Variants in FAM151A observed in about 807,000 individuals in gnomAD.
The protein encoded by FAM151A is family with sequence similarity 151 member A, also known as protein FAM151A.
Under a neutral mutation model 40.4 loss-of-function variants are expected in FAM151A, and 41 were observed. The observed-to-expected ratio is 1.01, with a 90% CI of 0.79 to 1.32. The LOEUF (loss-of-function observed/expected upper bound fraction) is 1.32, where lower values mean the gene tolerates loss of function less well. Among genes scored for constraint, FAM151A ranks in the 40% most tolerant of loss-of-function variants. FAM151A has a pLI of 0.00. For synonymous variants in FAM151A, 337 were observed against 312.5 expected, an observed-to-expected ratio of 1.08 and a Z score of -0.83; for missense variants, 740 against 740.4, an observed-to-expected ratio of 1.00 and a Z score of 0.01.
intron 1 of FAM151A, among the ~76,000 whole-genome samples, chr1:54,622,630 T>C (rs1169177916): frequency 6.6e-6 from 1 of 151,714 alleles, no homozygotes; most frequent in Admixed American, 6.6e-5. Context: ...TCCCAGCTAC[T>C]TGTGGGGCTG....
chr1:54,611,909 G>A (rs978907267), intron 5 of FAM151A, among the ~76,000 whole-genome samples, 164 bp from the exon 6 acceptor site: 10 of 152,130 alleles, frequency 6.6e-5, no homozygotes, highest in African/African-American at 2.4e-4. Context: ...CCAAGGGCAG[G>A]AGCCAGAGGG....
chr1:54,610,102 T>C, intron 7 of FAM151A, 161 bp from the exon 8 acceptor site: 3 of 1,434,200 alleles, frequency 2.1e-6, no homozygotes, highest in Non-Finnish European at 2.7e-6. Flanking sequence ...TGGGTTGCTT[T>C]ATAAATGTGC....
intron 4 of FAM151A, among the ~76,000 whole-genome samples, chr1:54,614,215 G>C (rs556557428): frequency 1.3e-5 from 2 of 152,274 alleles, no homozygotes; most frequent in Non-Finnish European, 2.9e-5. Context: ...GTATGTGAGG[G>C]CTGTGAGCAG....
Position 54,619,920 on chromosome 1 carries a change from T to C in FAM151A, c.206A>G (p.Glu69Gly). The C allele has an allele frequency of 6.2e-7, 1 of 1,614,184 alleles. No individual in the cohort carries two copies. The highest frequency in any genetic ancestry group is 1.1e-5 in the South Asian group (1 of 91,080). Residue 69 changes from glutamate to glycine, a missense_variant, in exon 2 of 8, where the codon GAG becomes GGG. Coordinates refer to ENST00000302250, the MANE Select transcript of FAM151A (RefSeq NM_176782.3). ...LGQISRRDAL[E>G]VTWYHAANSK... ...GTTGGCTGCGTGGTACCAGGTGACC[T>C]CCAAGGCATCTCGCCGGCTGATCTG...
intron 7 of FAM151A, 31 bp downstream of exon 7, chr1:54,610,381 G>A (rs1644104080): frequency 6.2e-7 from 1 of 1,606,732 alleles, no homozygotes; most frequent in African/African-American, 1.3e-5. Flanking sequence ...CAGATGAGCT[G>A]GGAGCACCGG....
intron 6 of FAM151A, chr1:54,610,887 T>G (rs758725241): frequency 4.1e-6 from 4 of 985,390 alleles, no homozygotes; most frequent in Non-Finnish European, 4.8e-6. Context: ...ACTGCGGCTC[T>G]TCTGGGTTCG....
intron 4 of FAM151A, among the ~76,000 whole-genome samples, chr1:54,613,316 T>TTGTG (rs1460145435): frequency 6.6e-6 from 1 of 151,808 alleles, no homozygotes; most frequent in Non-Finnish European, 1.5e-5. Context: ...GAGGCGGAGG[T>TTGTG]TGTGGTGAGC....
At chr1:54,618,003 AG>A (rs1174943034) in intron 2 of FAM151A, among the ~76,000 whole-genome samples, 3 of 152,102 alleles carry the variant, frequency 2.0e-5, no homozygotes, top group Non-Finnish European at 4.4e-5. Context: ...CTGGAATTAC[AG>A]GCATGAGCCA....
At chr1:54,619,704 G>A (rs1482201063) in intron 2 of FAM151A, among the ~76,000 whole-genome samples, 160 bp downstream of exon 2, 5 of 152,154 alleles carry the variant, frequency 3.3e-5, no homozygotes, top group Non-Finnish European at 7.3e-5. Flanking sequence ...ACAACCTTGA[G>A]CTGGTCACTT....
At chr1:54,611,046 G>C (rs1159811330) in intron 6 of FAM151A, 2 of 980,832 alleles carry the variant, frequency 2.0e-6, no homozygotes, top group African/African-American at 3.5e-5. Context: ...TTTCCTACCT[G>C]CTGGGCCACA....
At position 54,623,313 on chromosome 1, in the gene FAM151A, G is replaced by A; in HGVS notation, c.83C>T (p.Ala28Val). ...GITCVSVVVI[A>V]AIVLAITLRR... ...CAGGGTGATGGCAAGGACTATTGCG[G>A]CAATGACCACCACAGACACACAGGT... Residue 28 changes from alanine (A) to valine (V), a missense_variant, in exon 1 of 8, where the codon GCC (alanine) becomes GTC (valine). Transcript: ENST00000302250. 1 of 1,614,062 alleles carries A rather than the reference G, an allele frequency of 6.2e-7. No homozygotes were observed. The highest frequency in any genetic ancestry group is 1.1e-5 in the South Asian group (1 of 91,068).
At position 54,618,204 on chromosome 1, in the gene FAM151A, T is replaced by TA. The variant is rs201279361; in HGVS notation, c.262+1659dup. 4.6e-5 allele frequency among the ~76,000 whole-genome samples: 7 copies of TA among 152,174 alleles called. No homozygotes were observed. The South Asian group carries it at 1.2e-3, about 27-fold the overall frequency. On this transcript the variant is annotated intron_variant, in intron 2 of 7. Coordinates refer to ENST00000302250, the MANE Select transcript of FAM151A (RefSeq NM_176782.3). ...TCCTGCTCATCCTTTAGTGTTGGCT[T>TA]AAAAAAATCACCTCCTCAGCCGGGC...
At position 54,609,388 on chromosome 1, in the gene FAM151A, G is replaced by A. The variant is rs146179147; in HGVS notation, c.1638C>T (p.Gly546=). 6.8e-4 allele frequency: 1,100 copies of A among 1,614,042 alleles called. 11 individuals are homozygous for A. In the Middle Eastern group the frequency reaches 0.014, roughly 21 times the overall value. ...TVTVEHNPAG[G]DYASVRTALL... is the part of the protein sequence containing the mutation. Reference sequence around the variant, plus strand: ...ATGCTGTCCTCACAGAGGCATAGTCGCCCCCAGCTGGGTTGTGCTCCACTG... The same window carrying A: ...ATGCTGTCCTCACAGAGGCATAGTCACCCCCAGCTGGGTTGTGCTCCACTG... The change falls in exon 8 of 8, where the codon GGC becomes GGT. Residue 546 remains glycine, a synonymous_variant. Coordinates refer to ENST00000302250, the MANE Select transcript of FAM151A (RefSeq NM_176782.3).
chr1:54,611,040 C>G (rs1230133902), intron 6 of FAM151A: 28 of 981,360 alleles, frequency 2.9e-5, no homozygotes, highest in Non-Finnish European at 3.1e-5. Context: ...TGCTGGTTTC[C>G]TACCTGCTGG....
In FAM151A at chr1:54,621,188, G is replaced by A. The variant is rs974546236; in HGVS notation, c.119-1181C>T. Among the ~76,000 whole-genome samples, 67 of 151,398 alleles carry A rather than the reference G, an allele frequency of 4.4e-4. 1 individual carries two copies. Among genetic ancestry groups the A allele is most frequent in the Non-Finnish European group, 7.9e-4 (54 of 67,948 alleles). On this transcript the variant is annotated intron_variant, in intron 1 of 7. Coordinates refer to ENST00000302250, the MANE Select transcript of FAM151A (RefSeq NM_176782.3). ...AAAAAAAAAAAAACCTGCGCGCGGC[G>A]GCTGACGCCTGTAATCCCAGCACTT...
At chr1:54,621,410 T>C (rs1644228688) in intron 1 of FAM151A, 1 of 152,182 alleles carries the variant, frequency 6.6e-6, no homozygotes, top group African/African-American at 2.4e-5. Context: ...TGAACCCAGA[T>C]CATGCTACTG....
intron 1 of FAM151A, among the ~76,000 whole-genome samples, chr1:54,620,561 C>G (rs1238080133): frequency 6.8e-6 from 1 of 147,438 alleles, no homozygotes; most frequent in Non-Finnish European, 1.5e-5. Flanking sequence ...CAAAAATTAG[C>G]TGGATGGACG....
intron 6 of FAM151A, chr1:54,610,941 G>A: frequency 1.0e-6 from 1 of 985,410 alleles, no homozygotes; most frequent in Non-Finnish European, 1.2e-6. Context: ...TCTGATCACT[G>A]CTTAATGAAT....
intron 3 of FAM151A, among the ~76,000 whole-genome samples, chr1:54,615,085 A>G (rs770675388): frequency 2.0e-5 from 3 of 152,134 alleles, no homozygotes; most frequent in Non-Finnish European, 2.9e-5. Flanking sequence ...AGGAGTTCCC[A>G]TCTCCTGCGG....
Sources: allele counts gnomAD v4.1 joint callset (sites outside exome capture counted in the v4.1 genomes callset), GRCh38; gene constraint gnomAD v4.1.1; transcripts MANE v1.5; gene names NCBI Gene and HGNC (gene_info 2026-07-23, HGNC 2026-07-21).